ZNRF2: variants seen among roughly 807,000 people sequenced by gnomAD.
ZNRF2 encodes E3 ubiquitin-protein ligase ZNRF2.
A neutral mutation model predicts 20.4 loss-of-function variants in ZNRF2; 16 were observed. The observed-to-expected ratio is 0.79, with a 90% CI of 0.53 to 1.19. The LOEUF (loss-of-function observed/expected upper bound fraction) is 1.19. Among genes scored for constraint, ZNRF2 ranks in the 50% most tolerant of loss-of-function variants. The probability of loss-of-function intolerance (pLI) is 0.00; values close to 1 mark genes in which losing one functional copy is unlikely to be tolerated. For missense variants in ZNRF2, 363 were observed against 332.4 expected, an observed-to-expected ratio of 1.09 and a Z score of -0.72; for synonymous variants, 178 against 144.9, an observed-to-expected ratio of 1.23 and a Z score of -1.64.
At chr7:30,309,251 G>A (rs752155670) in intron 1 of ZNRF2, among the ~76,000 whole-genome samples, 1 of 152,088 alleles carries the variant, frequency 6.6e-6, no homozygotes, top group Admixed American at 6.6e-5. Flanking sequence ...CTCTTCTAAT[G>A]TATTTAGTCA....
intron 2 of ZNRF2, among the ~76,000 whole-genome samples, chr7:30,351,575 A>G (rs1438589560): frequency 1.3e-5 from 2 of 152,006 alleles, no homozygotes; most frequent in East Asian, 3.8e-4. Context: ...TTGCTTTGGT[A>G]TTTACGTTGC....
At chr7:30,320,082 C>G (rs1349898780) in intron 1 of ZNRF2, among the ~76,000 whole-genome samples, 1 of 151,960 alleles carries the variant, frequency 6.6e-6, no homozygotes, top group Non-Finnish European at 1.5e-5. Context: ...TGTTTTGATT[C>G]ATCTGTTGGT....
intron 2 of ZNRF2, among the ~76,000 whole-genome samples, chr7:30,353,015 A>G (rs993039311): frequency 2.6e-5 from 4 of 152,242 alleles, no homozygotes; most frequent in Admixed American, 6.5e-5. Flanking sequence ...GGACTACTCT[A>G]GCAAACCCCC....
At chr7:30,335,916 A>C (rs1159169368) in intron 2 of ZNRF2, among the ~76,000 whole-genome samples, 1 of 152,080 alleles carries the variant, frequency 6.6e-6, no homozygotes, top group African/African-American at 2.4e-5. Flanking sequence ...CAAATGTCAG[A>C]GGCATCATAA....
chr7:30,361,170 A>C (rs1302718194), intron 3 of ZNRF2, among the ~76,000 whole-genome samples: 1 of 152,226 alleles, frequency 6.6e-6, no homozygotes, highest in Non-Finnish European at 1.5e-5. Flanking sequence ...TTTGATGCTC[A>C]GAATTTTGTT....
intron 2 of ZNRF2, among the ~76,000 whole-genome samples, chr7:30,346,916 A>G (rs981144890): frequency 6.6e-6 from 1 of 152,118 alleles, no homozygotes; most frequent in South Asian, 2.1e-4. Flanking sequence ...AGTTACTTAC[A>G]TGATATTTAT....
At chr7:30,296,449 A>G in intron 1 of ZNRF2, among the ~76,000 whole-genome samples, 1 of 152,230 alleles carries the variant, frequency 6.6e-6, no homozygotes, top group East Asian at 1.9e-4. Flanking sequence ...GCTTCAGGGC[A>G]GAGGCTGAAA....
chr7:30,308,911 A>G (rs1329937567), intron 1 of ZNRF2, among the ~76,000 whole-genome samples: 1 of 152,192 alleles, frequency 6.6e-6, no homozygotes, highest in Non-Finnish European at 1.5e-5. Context: ...GGCAAACAGT[A>G]CAATGAACTA....
At chr7:30,329,462 C>G (rs763947864) in intron 2 of ZNRF2, among the ~76,000 whole-genome samples, 2 of 152,298 alleles carry the variant, frequency 1.3e-5, no homozygotes, top group South Asian at 2.1e-4. Context: ...CCTTCCCAGC[C>G]TCTGGTAACC....
intron 3 of ZNRF2, among the ~76,000 whole-genome samples, chr7:30,360,428 G>T (rs1800108026): frequency 6.6e-6 from 1 of 152,150 alleles, no homozygotes; most frequent in Non-Finnish European, 1.5e-5. Context: ...AGGCGCAGTG[G>T]CTGACACCTA....
intron 2 of ZNRF2, among the ~76,000 whole-genome samples, chr7:30,344,295 T>G (rs919678073): frequency 6.6e-6 from 1 of 151,882 alleles, no homozygotes; most frequent in Admixed American, 6.5e-5. Flanking sequence ...ATAACTGTGG[T>G]GTTTCTAATT....
At chr7:30,295,931 A>G (rs1483382754) in intron 1 of ZNRF2, among the ~76,000 whole-genome samples, 1 of 152,232 alleles carries the variant, frequency 6.6e-6, no homozygotes, top group African/African-American at 2.4e-5. Flanking sequence ...CAGATTTTGC[A>G]AAAACAATCC....
intron 3 of ZNRF2, 55 bp downstream of exon 3, chr7:30,355,888 T>C: frequency 1.5e-6 from 2 of 1,365,764 alleles, no homozygotes; most frequent in South Asian, 2.4e-5. Flanking sequence ...GTTTCAGACA[T>C]TGTAATTAGG....
chr7:30,356,188 G>A (rs1413377060), intron 3 of ZNRF2, among the ~76,000 whole-genome samples: 1 of 151,996 alleles, frequency 6.6e-6, no homozygotes, highest in African/African-American at 2.4e-5. Context: ...GCAGAGTTGA[G>A]ATTCCAGTAG....
At chr7:30,321,982 C>G (rs1189468891) in intron 1 of ZNRF2, among the ~76,000 whole-genome samples, 1 of 151,408 alleles carries the variant, frequency 6.6e-6, no homozygotes, top group East Asian at 1.9e-4. Context: ...GTGGGCCACA[C>G]ATAAAATACA....
At chr7:30,301,134 T>C (rs1219807929) in intron 1 of ZNRF2, among the ~76,000 whole-genome samples, 1 of 152,188 alleles carries the variant, frequency 6.6e-6, no homozygotes, top group Non-Finnish European at 1.5e-5. Flanking sequence ...ACAACTGGAA[T>C]GACAGAACCT....
intron 1 of ZNRF2, among the ~76,000 whole-genome samples, chr7:30,317,585 C>T (rs1799396919): frequency 6.6e-6 from 1 of 152,126 alleles, no homozygotes; most frequent in Admixed American, 6.5e-5. Context: ...TTGTATTAGG[C>T]TCATAGTGGG....
chr7:30,324,954 G>C (rs1353452539), intron 2 of ZNRF2, among the ~76,000 whole-genome samples: 1 of 152,206 alleles, frequency 6.6e-6, no homozygotes, highest in Non-Finnish European at 1.5e-5. Flanking sequence ...CAGTGCATAT[G>C]TGTCTCTGTC....
chr7:30,315,791 T>A (rs1305478261), intron 1 of ZNRF2, among the ~76,000 whole-genome samples: 1 of 148,004 alleles, frequency 6.8e-6, no homozygotes, highest in East Asian at 2.0e-4. Context: ...TTGTAAGACA[T>A]TTAATGAGTC....
Sources: gnomAD v4.1 joint callset for allele counts (sites outside exome capture counted in the v4.1 genomes callset) on GRCh38, gnomAD v4.1.1 for gene constraint, MANE v1.5 for transcripts, NCBI Gene and HGNC (gene_info 2026-07-23, HGNC 2026-07-21) for gene names.